Variants in HLCS observed in about 807,000 individuals in gnomAD.
The protein encoded by HLCS is biotin--protein ligase.
Under a neutral mutation model 75.0 loss-of-function variants are expected in HLCS, and 53 were observed. The ratio of observed to expected loss-of-function variants is 0.71; its 90% CI spans 0.57 to 0.89. The LOEUF (loss-of-function observed/expected upper bound fraction) is 0.89, where lower values mean the gene tolerates loss of function less well. Among genes scored for constraint, HLCS ranks in the 40% least tolerant of loss-of-function variants. The pLI, the probability that HLCS is intolerant of heterozygous loss-of-function variation, is 0.00. For synonymous variants in HLCS, 431 were observed against 428.6 expected, an observed-to-expected ratio of 1.01 and a Z score of -0.07; for missense variants, 966 against 1,074.0, an observed-to-expected ratio of 0.90 and a Z score of 1.41.
chr21:36,891,255 G>A (rs2064771689), intron 6 of HLCS, among the ~76,000 whole-genome samples: 1 of 152,182 alleles, frequency 6.6e-6, no homozygotes, highest in East Asian at 1.9e-4. Context: ...AGGTGGCCGA[G>A]CAACTCAGCT....
intron 2 of HLCS, among the ~76,000 whole-genome samples, chr21:36,959,890 T>A (rs1395060763): frequency 6.6e-6 from 1 of 152,178 alleles, no homozygotes; most frequent in Non-Finnish European, 1.5e-5. Context: ...GGCTGAAACA[T>A]GTCCCCGTAC....
intron 6 of HLCS, among the ~76,000 whole-genome samples, chr21:36,877,300 C>T (rs929290120): frequency 6.6e-6 from 1 of 151,578 alleles, no homozygotes. Context: ...TTATTTTTTT[C>T]TCTCTTTTTT....
intron 5 of HLCS, among the ~76,000 whole-genome samples, chr21:36,914,596 G>A (rs796275351): frequency 3.9e-5 from 6 of 152,322 alleles, no homozygotes; most frequent in African/African-American, 1.4e-4. Context: ...GTAAAAGCAG[G>A]GAGTGAATAA....
In HLCS at chr21:36,937,076, C is replaced by T. The variant is rs747702795; in HGVS notation, c.810G>A (p.Ala270=). The change falls in exon 4 of 11, where the codon GCG becomes GCA. Residue 270 remains alanine, a synonymous_variant. Transcript: ENST00000674895. ...GAAGGTCTGGAATGTTCTCGGCAGA[C>T]GCAAACTTGACTGACTCAATGGTGC... ...ENSTIESVKF[A]SAENIPDLPY... The T allele has an allele frequency of 1.9e-5, 31 of 1,614,032 alleles. No homozygotes were observed. The highest frequency in any genetic ancestry group is 4.4e-5 in the South Asian group (4 of 91,070).
chr21:36,976,915 C>T (rs765437963), intron 1 of HLCS, among the ~76,000 whole-genome samples: 1 of 152,100 alleles, frequency 6.6e-6, no homozygotes, highest in Non-Finnish European at 1.5e-5. Flanking sequence ...AACTTCCCCT[C>T]CATCTCTCAA....
intron 6 of HLCS, among the ~76,000 whole-genome samples, chr21:36,859,729 C>T (rs971023406): frequency 1.3e-5 from 2 of 152,194 alleles, no homozygotes; most frequent in South Asian, 2.1e-4. Flanking sequence ...TTTTGAATTT[C>T]GTTTAAAATA....
At chr21:36,843,564 T>C (rs2062691851) in intron 6 of HLCS, among the ~76,000 whole-genome samples, 1 of 152,152 alleles carries the variant, frequency 6.6e-6, no homozygotes, top group South Asian at 2.1e-4. Flanking sequence ...TGAACACTAG[T>C]AATGTACAGA....
chr21:36,981,009 T>C (rs1269113153), intron 1 of HLCS: 1 of 152,296 alleles, frequency 6.6e-6, no homozygotes, highest in African/African-American at 2.4e-5. Context: ...GCTTGCCTCA[T>C]AGGTCAAACG....
intron 6 of HLCS, among the ~76,000 whole-genome samples, chr21:36,810,733 C>T (rs760231912): frequency 6.6e-6 from 1 of 152,154 alleles, no homozygotes; most frequent in Non-Finnish European, 1.5e-5. Flanking sequence ...AAATACCATT[C>T]CCCACTAAAA....
At chr21:36,925,359 C>T (rs970094913) in intron 5 of HLCS, among the ~76,000 whole-genome samples, 9 of 152,130 alleles carry the variant, frequency 5.9e-5, no homozygotes, top group African/African-American at 2.2e-4. Flanking sequence ...TGTTAGCCAC[C>T]GTTGGCCACG....
At chr21:36,879,605 C>T (rs1020711040) in intron 6 of HLCS, among the ~76,000 whole-genome samples, 1 of 152,062 alleles carries the variant, frequency 6.6e-6, no homozygotes, top group African/African-American at 2.4e-5. Flanking sequence ...AGAACTATCT[C>T]CAAGGTGACT....
At chr21:36,757,433 T>C (rs1005490667) in intron 9 of HLCS, among the ~76,000 whole-genome samples, 16 of 152,174 alleles carry the variant, frequency 1.1e-4, no homozygotes, top group African/African-American at 3.6e-4. Context: ...AACACCACTA[T>C]CCTCTCCAGG....
At chr21:36,795,703 G>T (rs1021603450) in intron 6 of HLCS, among the ~76,000 whole-genome samples, 1 of 152,234 alleles carries the variant, frequency 6.6e-6, no homozygotes, top group Admixed American at 6.5e-5. Flanking sequence ...GCCTTAGGGA[G>T]TAAGTTATTA....
At chr21:36,866,152 T>C (rs1190984737) in intron 6 of HLCS, among the ~76,000 whole-genome samples, 1 of 178 alleles carries the variant, frequency 5.6e-3, no homozygotes, top group Non-Finnish European at 0.013. Flanking sequence ...CTGGACCAAA[T>C]TAGTTGGTTA....
chr21:36,761,898 C>T (rs1205383921), intron 8 of HLCS, among the ~76,000 whole-genome samples: 2 of 152,202 alleles, frequency 1.3e-5, no homozygotes, highest in Non-Finnish European at 2.9e-5. Flanking sequence ...CCGCCACGTG[C>T]GTGGCAGCTG....
intron 6 of HLCS, chr21:36,806,063 T>C (rs1417127863): frequency 1.3e-5 from 2 of 152,194 alleles, no homozygotes; most frequent in Non-Finnish European, 2.9e-5. Flanking sequence ...GAAGCTCTAT[T>C]TAAGGAGAGG....
At chr21:36,845,760 T>TA (rs751926837) in intron 6 of HLCS, among the ~76,000 whole-genome samples, 18 of 151,882 alleles carry the variant, frequency 1.2e-4, no homozygotes, top group Non-Finnish European at 2.4e-4. Context: ...GCTAAGTAGG[T>TA]AAAAAAAAGT....
chr21:36,958,968 G>C (rs1336634979), intron 2 of HLCS, among the ~76,000 whole-genome samples: 1 of 152,234 alleles, frequency 6.6e-6, no homozygotes, highest in Non-Finnish European at 1.5e-5. Context: ...GTCTGGAGCA[G>C]GGTAGGCGCG....
intron 6 of HLCS, among the ~76,000 whole-genome samples, chr21:36,816,597 G>T (rs1323645150): frequency 6.6e-6 from 1 of 152,150 alleles, no homozygotes; most frequent in Non-Finnish European, 1.5e-5. Context: ...TCCTTCTCTG[G>T]ATTGCCTTCT....
Sources: allele counts gnomAD v4.1 joint callset (sites outside exome capture counted in the v4.1 genomes callset), GRCh38; gene constraint gnomAD v4.1.1; transcripts MANE v1.5; gene names NCBI Gene and HGNC (gene_info 2026-07-23, HGNC 2026-07-21).